The following ALK variants were observed in gnomAD, a reference collection of about 807,000 sequenced individuals.
ALK encodes the protein ALK receptor tyrosine kinase.
In ALK, 74 loss-of-function variants were observed where a neutral mutation model predicts 163.1. The observed-to-expected ratio is 0.45, with a 90% confidence interval of 0.38 to 0.55. The LOEUF is 0.55. Ranked by LOEUF, ALK falls within the 20% of genes least tolerant of loss-of-function variation. The pLI, the probability that ALK is intolerant of heterozygous loss-of-function variation, is 0.00. For synonymous variants in ALK, 960 were observed against 843.2 expected (o/e 1.14, Z -2.40); for missense variants, 2,063 against 2,105.3 (o/e 0.98, Z 0.39).
intron 1 of ALK, among the ~76,000 whole-genome samples, chr2:29,843,007 G>A (rs1346782356): frequency 6.6e-6 from 1 of 152,234 alleles, no homozygotes; most frequent in African/African-American, 2.4e-5. Context: ...TCATCCTTGT[G>A]AGGTGAGGTT....
In ALK at chr2:29,920,787, T is replaced by C. The variant is rs1246468331; in HGVS notation, c.-128A>G. 3.7e-6 allele frequency: 3 copies of C among 816,234 alleles called. No individual in the cohort carries two copies. Among genetic ancestry groups the C allele is most frequent in the Non-Finnish European group, 3.8e-6 (2 of 525,214 alleles). The allele number at this position is 816,234 out of a possible 1,614,324, so 50.6% of individuals were successfully genotyped here. A position where few individuals can be genotyped will look rare whatever the true frequency, so the allele number is the denominator to read the frequency against. ...TCCTTCCACCTGATCTCCAGAGGAC[T>C]GTGCGTGCGCGCAAGTCTCTTGCTT... is the stretch of plus-strand genomic sequence containing the variant. On this transcript the variant is annotated 5_prime_UTR_variant, in exon 1 of 29. Transcript: ENST00000389048.
intron 4 of ALK, among the ~76,000 whole-genome samples, chr2:29,496,413 A>C (rs2148128488): frequency 6.6e-6 from 1 of 152,354 alleles, no homozygotes; most frequent in African/African-American, 2.4e-5. Context: ...ATGGCAGTGC[A>C]GGCTGTGTCC....
At chr2:29,548,828 G>C (rs75449397) in intron 3 of ALK, among the ~76,000 whole-genome samples, 1,627 of 152,084 alleles carry the variant, frequency 0.011, 17 homozygotes, top group African/African-American at 0.027. Flanking sequence ...ATTTACCTTG[G>C]GGGGGATGTT....
chr2:29,434,147 C>A (rs559622612), intron 4 of ALK, among the ~76,000 whole-genome samples: 1 of 152,210 alleles, frequency 6.6e-6, no homozygotes, highest in Non-Finnish European at 1.5e-5. Flanking sequence ...ACGGTATTAT[C>A]CTTGGTTGGA....
At chr2:29,840,294 T>C (rs888718154) in intron 1 of ALK, among the ~76,000 whole-genome samples, 2 of 152,196 alleles carry the variant, frequency 1.3e-5, no homozygotes, top group Non-Finnish European at 2.9e-5. Context: ...AATAGGTACA[T>C]GTCCTACAAA....
At chr2:29,216,592 T>TG (rs1300806309) in intron 23 of ALK, among the ~76,000 whole-genome samples, 14 of 152,022 alleles carry the variant, frequency 9.2e-5, no homozygotes, top group Admixed American at 8.5e-4. Flanking sequence ...GCGTGGGTTA[T>TG]GGGGGGTGTC....
chr2:29,286,924 T>C (rs1346946105), intron 9 of ALK: 2 of 147,740 alleles, frequency 1.4e-5, no homozygotes, highest in Non-Finnish European at 1.5e-5. Context: ...TGACACACCA[T>C]CTCATTTTTT....
intron 3 of ALK, among the ~76,000 whole-genome samples, chr2:29,539,410 T>G (rs924576030): frequency 3.3e-5 from 5 of 152,160 alleles, no homozygotes; most frequent in African/African-American, 9.6e-5. Flanking sequence ...TGTTAAATTG[T>G]CGTGTGCCAC....
chr2:29,223,604 G>A (rs2148171455), intron 19 of ALK, 76 bp from the exon 20 acceptor site: 1 of 1,478,400 alleles, frequency 6.8e-7, no homozygotes, highest in Non-Finnish European at 9.3e-7. Flanking sequence ...CTTCCTACAG[G>A]AAGCCTCCCT....
intron 5 of ALK, among the ~76,000 whole-genome samples, chr2:29,381,357 T>A (rs1205853060): frequency 2.6e-5 from 4 of 152,272 alleles, no homozygotes; most frequent in Non-Finnish European, 5.9e-5. Flanking sequence ...ACTGAGCACC[T>A]ACCTAGTGTC....
At chr2:29,340,145 G>GC (rs1488680218) in intron 5 of ALK, among the ~76,000 whole-genome samples, 3 of 152,114 alleles carry the variant, frequency 2.0e-5, no homozygotes, top group Admixed American at 2.0e-4. Context: ...TAATCTCCCT[G>GC]CAAAGGGGTT....
chr2:29,376,624 C>A lies in ALK; in HGVS notation c.1282+7108G>T, dbSNP rs563133399. Reference sequence around the variant, plus strand: ...TGCTACATACAGAGTTTGCTGCTGGCAGCCCCAAGACAGAGTGCCACTGTG... The same window carrying A: ...TGCTACATACAGAGTTTGCTGCTGGAAGCCCCAAGACAGAGTGCCACTGTG... On this transcript the variant is annotated intron_variant, in intron 5 of 28. Coordinates refer to ENST00000389048, the MANE Select transcript of ALK (RefSeq NM_004304.5). Among the ~76,000 whole-genome samples the A allele has an allele frequency of 2.3e-4, 35 of 152,316 alleles. No individual in the cohort carries two copies. In the South Asian group the frequency reaches 7.3e-3, roughly 32 times the overall value.
chr2:29,644,292 A>T (rs556273230), intron 3 of ALK, among the ~76,000 whole-genome samples: 38 of 151,946 alleles, frequency 2.5e-4, no homozygotes, highest in Non-Finnish European at 1.5e-4. Flanking sequence ...AGATATACCT[A>T]AAGTTAAATG....
At chr2:29,527,870 C>T (rs1486430100) in intron 4 of ALK, among the ~76,000 whole-genome samples, 1 of 152,152 alleles carries the variant, frequency 6.6e-6, no homozygotes, top group East Asian at 1.9e-4. Context: ...CCCGCCTGGG[C>T]TTCATGTTCC....
rs1050549990 is a variant in ALK, at chr2:29,434,874, A to C, written c.1155-51015T>G. On this transcript the variant is annotated intron_variant, in intron 4 of 28. Coordinates refer to ENST00000389048, the MANE Select transcript of ALK (RefSeq NM_004304.5). ...GAATCCATTTGCAAGAGAACAGTCA[A>C]TTTTGGATCACAGATCATTAGAACT... Among the ~76,000 whole-genome samples, 5 of 152,228 alleles carry C rather than the reference A, an allele frequency of 3.3e-5. No individual in the cohort carries two copies. The East Asian group carries it at 5.8e-4, about 18-fold the overall frequency.
At chr2:29,426,925 C>A (rs1670153287) in intron 4 of ALK, among the ~76,000 whole-genome samples, 1 of 148,662 alleles carries the variant, frequency 6.7e-6, no homozygotes, top group Non-Finnish European at 1.5e-5. Context: ...GTAGTCCCAG[C>A]TACTCAGAAG....
At chr2:29,701,006 G>A (rs1423427025) in intron 2 of ALK, among the ~76,000 whole-genome samples, 1 of 152,242 alleles carries the variant, frequency 6.6e-6, no homozygotes, top group Non-Finnish European at 1.5e-5. Flanking sequence ...CAGAGATGGA[G>A]GCCTTCCAAC....
At chr2:29,831,108 GAGAAGAAGA>G (rs1187040597) in intron 1 of ALK, among the ~76,000 whole-genome samples, 1 of 25,466 alleles carries the variant, frequency 3.9e-5, no homozygotes, top group Non-Finnish European at 7.2e-5. Context: ...GGAGGAGGAG[GAGAAGAAGA>G]AGAAGAAGGG....
intron 26 of ALK, among the ~76,000 whole-genome samples, chr2:29,202,675 T>G (rs750391532): frequency 6.6e-6 from 1 of 152,268 alleles, no homozygotes; most frequent in Non-Finnish European, 1.5e-5. Context: ...TTTTCCCCAC[T>G]GAACACTGTT....
Sources: allele counts gnomAD v4.1 joint callset (sites outside exome capture counted in the v4.1 genomes callset), GRCh38; gene constraint gnomAD v4.1.1; transcripts MANE v1.5; gene names NCBI Gene and HGNC (gene_info 2026-07-23, HGNC 2026-07-21).